The following KANK1 variants were observed in gnomAD, a reference collection of about 807,000 sequenced individuals.
The protein encoded by KANK1 is KN motif and ankyrin repeat domain-containing protein 1.
KANK1 carries 109 observed loss-of-function variants against 106.2 expected under a neutral mutation model. The observed-to-expected ratio is 1.03, with a 90% confidence interval of 0.88 to 1.20. The LOEUF (loss-of-function observed/expected upper bound fraction) is 1.20, where lower values mean the gene tolerates loss of function less well. Among genes scored for constraint, KANK1 ranks in the 50% most tolerant of loss-of-function variants. The pLI is 0.00. For synonymous variants in KANK1, 873 were observed against 652.2 expected, an observed-to-expected ratio of 1.34 and a Z score of -5.16; for missense variants, 2,399 against 1,710.7, an observed-to-expected ratio of 1.40 and a Z score of -7.10.
In KANK1 at chr9:674,916, G is replaced by A. The variant is rs557644474; in HGVS notation, c.-83-1974G>A. ...GAAGAGGTTTTGCCATGTTGGCCAG[G>A]CTGGTCTCAAACTCCTGACCTCAGG... On this transcript the variant is annotated intron_variant, in intron 1 of 11. Coordinates refer to ENST00000382297, the MANE Select transcript of KANK1 (RefSeq NM_015158.5). Among the ~76,000 whole-genome samples the A allele has an allele frequency of 1.2e-4, 19 of 152,086 alleles. No homozygotes were observed. The South Asian group carries it at 3.7e-3, about 30-fold the overall frequency.
In KANK1 at chr9:595,427, T is replaced by C. The variant is rs1825970407; in HGVS notation, c.-83-81463T>C. On this transcript the variant is annotated intron_variant, in intron 1 of 11. Coordinates refer to ENST00000382297, the MANE Select transcript of KANK1 (RefSeq NM_015158.5). Reference sequence around the variant, plus strand: ...GCACTTCAGCTCCAAACTTGAGCGTTGCAATCAGAACAAGAACCCGAGGAA... The same window carrying C: ...GCACTTCAGCTCCAAACTTGAGCGTCGCAATCAGAACAAGAACCCGAGGAA... Among the ~76,000 whole-genome samples the C allele has an allele frequency of 2.0e-5, 3 of 152,038 alleles. No individual in the cohort carries two copies. In the South Asian group the frequency reaches 6.2e-4, roughly 32 times the overall value.
intron 3 of KANK1, among the ~76,000 whole-genome samples, chr9:481,726 TG>T (rs2058208344): frequency 6.6e-6 from 1 of 151,942 alleles, no homozygotes; most frequent in South Asian, 2.1e-4. Context: ...TCTGACATAG[TG>T]GCTCACACCT....
rs752732244 is a variant in KANK1, at chr9:712,180, C to T, written c.1414C>T (p.Leu472=). The change falls in exon 3 of 12, where the codon CTA becomes TTA. Residue 472 remains leucine (L), a synonymous_variant. Transcript: ENST00000382297. The part of the protein sequence containing the change: ...IESLKEKIYR[L]EVQLRETTHD... The stretch of plus-strand genomic sequence containing the variant: ...ATCCTTGAAGGAAAAGATCTATCGC[C>T]TAGAAGTACAGCTTAGAGAAACCAC... The T allele has an allele frequency of 6.8e-6, 11 of 1,614,132 alleles. No homozygotes were observed. Among genetic ancestry groups the T allele is most frequent in the Middle Eastern group, 1.6e-4 (1 of 6,062 alleles).
intron 3 of KANK1, chr9:495,146 G>C (rs920379695): frequency 6.6e-6 from 1 of 152,150 alleles, no homozygotes; most frequent in African/African-American, 2.4e-5. Flanking sequence ...AATTGCCTTG[G>C]CTCCAAGTAT....
At chr9:479,646 G>C (rs1564110981) in intron 3 of KANK1, among the ~76,000 whole-genome samples, 1 of 152,190 alleles carries the variant, frequency 6.6e-6, no homozygotes, top group Non-Finnish European at 1.5e-5. Flanking sequence ...AAATATGTAA[G>C]AATAGTCACA....
chr9:703,314 G>C (rs752496541), intron 2 of KANK1, among the ~76,000 whole-genome samples: 10 of 151,094 alleles, frequency 6.6e-5, no homozygotes, highest in Non-Finnish European at 1.2e-4. Flanking sequence ...ATATGCCTTT[G>C]TCACTGATCT....
At chr9:740,669 T>C in intron 8 of KANK1, 123 bp from the exon 9 acceptor site, 1 of 1,098,200 alleles carries the variant, frequency 9.1e-7, no homozygotes, top group Non-Finnish European at 1.3e-6. Flanking sequence ...TCACTCTTGG[T>C]CTCCAGCCAC....
At chr9:637,805 A>G (rs1837499010) in intron 1 of KANK1, among the ~76,000 whole-genome samples, 2 of 152,192 alleles carry the variant, frequency 1.3e-5, no homozygotes, top group Admixed American at 6.5e-5. Context: ...CATATATTTT[A>G]AAAACTATTA....
intron 1 of KANK1, among the ~76,000 whole-genome samples, chr9:618,504 G>A (rs1324208911): frequency 6.6e-6 from 1 of 152,038 alleles, no homozygotes; most frequent in African/African-American, 2.4e-5. Flanking sequence ...TACCATGCCT[G>A]GCCCCAGATT....
At chr9:675,879 C>A (rs935898692) in intron 1 of KANK1, among the ~76,000 whole-genome samples, 20 of 152,054 alleles carry the variant, frequency 1.3e-4, no homozygotes, top group Non-Finnish European at 2.5e-4. Context: ...GTGGATTATT[C>A]TTGTGTTTTG....
At chr9:652,159 T>A (rs1186977467) in intron 1 of KANK1, among the ~76,000 whole-genome samples, 1 of 152,188 alleles carries the variant, frequency 6.6e-6, no homozygotes, top group Non-Finnish European at 1.5e-5. Context: ...AATTAATTAT[T>A]GCAAATATGT....
intron 1 of KANK1, among the ~76,000 whole-genome samples, chr9:554,661 A>C (rs182076268): frequency 2.1e-3 from 317 of 152,330 alleles, no homozygotes; most frequent in African/African-American, 7.1e-3. Context: ...TGAATCTTCC[A>C]TCAACTGTTA....
intron 1 of KANK1, among the ~76,000 whole-genome samples, chr9:532,539 C>G (rs1315657149): frequency 6.6e-6 from 1 of 151,956 alleles, no homozygotes; most frequent in African/African-American, 2.4e-5. Context: ...CCATTTCCCT[C>G]CACTCCCTCC....
chr9:525,849 A>G (rs888761337), intron 1 of KANK1, among the ~76,000 whole-genome samples: 7 of 151,626 alleles, frequency 4.6e-5, no homozygotes, highest in Admixed American at 3.9e-4. Context: ...GGGATTTCAC[A>G]AGGACCTCTT....
intron 1 of KANK1, among the ~76,000 whole-genome samples, chr9:542,912 G>A (rs72689616): frequency 0.054 from 8,201 of 152,192 alleles, 257 homozygotes; most frequent in African/African-American, 0.076. Context: ...GCTTGGGAGG[G>A]CGTTGGTTAA....
chr9:499,211 A>G (rs2058508688), intron 3 of KANK1, among the ~76,000 whole-genome samples: 1 of 152,058 alleles, frequency 6.6e-6, no homozygotes, highest in South Asian at 2.1e-4. Context: ...CAGAGTTATC[A>G]TATGACCAAG....
chr9:736,929 G>A (rs1286091003), intron 7 of KANK1, among the ~76,000 whole-genome samples: 1 of 152,136 alleles, frequency 6.6e-6, no homozygotes, highest in Non-Finnish European at 1.5e-5. Context: ...AAAATACTAG[G>A]TTACGTGGCC....
At chr9:596,951 A>C (rs777117999) in intron 1 of KANK1, among the ~76,000 whole-genome samples, 47 of 73,538 alleles carry the variant, frequency 6.4e-4, no homozygotes, top group Non-Finnish European at 1.5e-3. Context: ...TTCAGTCTCT[A>C]TGAATTTACA....
At chr9:660,209 G>T in intron 1 of KANK1, 1 of 270,114 alleles carries the variant, frequency 3.7e-6, no homozygotes, top group South Asian at 5.0e-5. Flanking sequence ...TACTGTAATT[G>T]AGCATCCAGA....
Sources: allele counts gnomAD v4.1 joint callset (sites outside exome capture counted in the v4.1 genomes callset), GRCh38; gene constraint gnomAD v4.1.1; transcripts MANE v1.5; gene names NCBI Gene and HGNC (gene_info 2026-07-23, HGNC 2026-07-21).